Variants in MOB4 observed in about 807,000 individuals in gnomAD.
MOB4 encodes the protein MOB family member 4, phocein.
A neutral mutation model predicts 32.2 loss-of-function variants in MOB4; 4 were observed. The observed-to-expected ratio is 0.12, with a 90% CI of 0.06 to 0.28. The LOEUF is 0.28. Among genes scored for constraint, MOB4 ranks in the 10% least tolerant of loss-of-function variants. The probability of loss-of-function intolerance (pLI) is 1.00; values close to 1 mark genes in which losing one functional copy is unlikely to be tolerated. For missense variants in MOB4, 158 were observed against 271.2 expected (o/e 0.58, Z 2.93); for synonymous variants, 88 against 88.1 (o/e 1.00, Z 0.01).
chr2:197,543,859 T>G (rs1360545442), intron 5 of MOB4, among the ~76,000 whole-genome samples: 2 of 151,976 alleles, frequency 1.3e-5, no homozygotes, highest in Non-Finnish European at 2.9e-5. Context: ...CTGTCTCAGC[T>G]TCCCAAGTGG....
At chr2:197,547,378 A>G (rs2087015358) in intron 5 of MOB4, among the ~76,000 whole-genome samples, 1 of 152,144 alleles carries the variant, frequency 6.6e-6, no homozygotes, top group African/African-American at 2.4e-5. Flanking sequence ...GTTACTTGGG[A>G]TATTTGCTTT....
chr2:197,520,426 C>T (rs919612095), intron 1 of MOB4, among the ~76,000 whole-genome samples: 7 of 152,124 alleles, frequency 4.6e-5, no homozygotes, highest in East Asian at 3.9e-4. Flanking sequence ...CCACCGCGCC[C>T]GGCCTAAACT....
chr2:197,531,425 C>A (rs144087464), intron 2 of MOB4, among the ~76,000 whole-genome samples: 4 of 152,262 alleles, frequency 2.6e-5, no homozygotes, highest in African/African-American at 7.2e-5. Context: ...GTGTCCAGAA[C>A]TTTTTCATCT....
rs1366843117 is a variant in MOB4 at position 197,518,578 on chromosome 2, T to A, written c.60+2432T>A. Among the ~76,000 whole-genome samples the A allele has an allele frequency of 9.3e-5, 14 of 150,738 alleles. No individual in the cohort carries two copies. In the South Asian group the frequency reaches 2.9e-3, roughly 32 times the overall value. ...CACCTGGAGGTTTTTTTTTTTTGTG[T>A]GTGAGGCAGAGTCTCGTTCTGTCGC... is the stretch of plus-strand genomic sequence containing the variant. On this transcript the variant is annotated intron_variant, in intron 1 of 7. Transcript: ENST00000323303.
chr2:197,523,601 T>A, intron 1 of MOB4, 23 bp from the exon 2 acceptor site: 3 of 1,605,282 alleles, frequency 1.9e-6, no homozygotes, highest in Non-Finnish European at 2.6e-6. Flanking sequence ...GTATGTGCTT[T>A]AACCGTGAAT....
chr2:197,519,329 A>G (rs1054818428), intron 1 of MOB4, among the ~76,000 whole-genome samples: 4 of 152,220 alleles, frequency 2.6e-5, no homozygotes, highest in Non-Finnish European at 5.9e-5. Context: ...CATTCTCAAC[A>G]TCTTTTCTAT....
At chr2:197,543,435 A>G (rs1574650934) in intron 5 of MOB4, among the ~76,000 whole-genome samples, 1 of 151,210 alleles carries the variant, frequency 6.6e-6, no homozygotes, top group East Asian at 2.0e-4. Context: ...CTCCACAACC[A>G]TGCTTGATAA....
intron 2 of MOB4, among the ~76,000 whole-genome samples, chr2:197,532,145 G>A (rs1302922582): frequency 6.6e-6 from 1 of 151,974 alleles, no homozygotes; most frequent in Non-Finnish European, 1.5e-5. Context: ...TTGACCTCAG[G>A]TGATCTGCCC....
intron 1 of MOB4, among the ~76,000 whole-genome samples, chr2:197,520,108 A>G (rs1308374148): frequency 6.6e-6 from 1 of 151,852 alleles, no homozygotes; most frequent in African/African-American, 2.4e-5. Flanking sequence ...TCTGTCTTCT[A>G]CCCTATCATT....
At chr2:197,540,912 T>A (rs10931784) in intron 5 of MOB4, among the ~76,000 whole-genome samples, 63,527 of 151,582 alleles carry the variant, frequency 0.42, 13,910 homozygotes, top group South Asian at 0.56. Flanking sequence ...TTGCTCTTTT[T>A]TTTTTTTGAG....
chr2:197,525,141 C>T (rs1057392105), intron 2 of MOB4, among the ~76,000 whole-genome samples: 7 of 151,974 alleles, frequency 4.6e-5, no homozygotes, highest in Non-Finnish European at 8.8e-5. Context: ...GTCAGGAGAT[C>T]GAGACCATCC....
chr2:197,531,227 G>A lies in MOB4; in HGVS notation c.124-4303G>A, dbSNP rs113606832. ...TATGCCCGGCTATTTTGTATTTTTA[G>A]TAGAGACGGGGTTTCACCGTGTTAG... On this transcript the variant is annotated intron_variant, in intron 2 of 7. Transcript: ENST00000323303. 2.6e-4 allele frequency among the ~76,000 whole-genome samples: 39 copies of A among 151,858 alleles called. 2 individuals are homozygous for A. The highest frequency in any genetic ancestry group is 9.4e-4 in the African/African-American group (39 of 41,426).
chr2:197,516,203 G>A (rs2086408399), intron 1 of MOB4, 57 bp downstream of exon 1: 4 of 1,548,758 alleles, frequency 2.6e-6, no homozygotes, highest in African/African-American at 1.4e-5. Flanking sequence ...TGCTGCGCCC[G>A]GAAGCTGGCC....
intron 1 of MOB4, among the ~76,000 whole-genome samples, chr2:197,518,373 G>A (rs1172934347): frequency 1.3e-5 from 2 of 151,522 alleles, no homozygotes; most frequent in African/African-American, 4.8e-5. Flanking sequence ...GAGTTCAAGC[G>A]ATTCTTCTGC....
At chr2:197,522,491 C>G (rs182053730) in intron 1 of MOB4, among the ~76,000 whole-genome samples, 1 of 151,410 alleles carries the variant, frequency 6.6e-6, no homozygotes, top group African/African-American at 2.4e-5. Context: ...CCACCATGCC[C>G]GGCTATTTTT....
chr2:197,524,683 C>T (rs758838317), intron 2 of MOB4, among the ~76,000 whole-genome samples: 2 of 151,888 alleles, frequency 1.3e-5, no homozygotes, highest in Non-Finnish European at 2.9e-5. Context: ...CAGGGTTTTG[C>T]GATGCTGCCC....
At chr2:197,543,761 CAG>C (rs1464081148) in intron 5 of MOB4, among the ~76,000 whole-genome samples, 2 of 152,124 alleles carry the variant, frequency 1.3e-5, no homozygotes, top group African/African-American at 2.4e-5. Context: ...CTTTTTGAGA[CAG>C]AGTCTTGCTC....
At chr2:197,549,242 G>A (rs2087052611) in intron 6 of MOB4, among the ~76,000 whole-genome samples, 1 of 151,932 alleles carries the variant, frequency 6.6e-6, no homozygotes, top group Non-Finnish European at 1.5e-5. Flanking sequence ...AAAAAGAGCA[G>A]ACTTTCTTAT....
chr2:197,525,006 C>G (rs2086584640), intron 2 of MOB4, among the ~76,000 whole-genome samples: 1 of 151,960 alleles, frequency 6.6e-6, no homozygotes, highest in Non-Finnish European at 1.5e-5. Context: ...GGAAAATATA[C>G]CATAAATCGA....
Sources: gnomAD v4.1 joint callset for allele counts (sites outside exome capture counted in the v4.1 genomes callset) on GRCh38, gnomAD v4.1.1 for gene constraint, MANE v1.5 for transcripts, NCBI Gene and HGNC (gene_info 2026-07-23, HGNC 2026-07-21) for gene names.